The following DSTYK variants were observed in gnomAD, a reference collection of about 807,000 sequenced individuals.
The protein encoded by DSTYK is dual serine/threonine and tyrosine protein kinase.
A neutral mutation model predicts 98.7 loss-of-function variants in DSTYK; 34 were observed. The observed-to-expected ratio is 0.34, with a 90% CI of 0.26 to 0.46. DSTYK has a LOEUF of 0.46. Ranked by LOEUF, DSTYK falls within the 20% of genes least tolerant of loss-of-function variation. The pLI is 1.00. For synonymous variants in DSTYK, 462 were observed against 457.3 expected (o/e 1.01, Z -0.13); for missense variants, 962 against 1,181.7 (o/e 0.81, Z 2.73).
intron 1 of DSTYK, among the ~76,000 whole-genome samples, chr1:205,203,353 G>T (rs185588152): frequency 6.7e-6 from 1 of 149,280 alleles, no homozygotes; most frequent in African/African-American, 2.5e-5. Flanking sequence ...TGGTTCGCGC[G>T]TGCCTGCAGT....
intron 3 of DSTYK, among the ~76,000 whole-genome samples, chr1:205,164,790 G>A (rs1657840385): frequency 6.6e-6 from 1 of 152,106 alleles, no homozygotes. Context: ...CACATTTATA[G>A]GAGGGGAGGA....
Position 205,211,640 on chromosome 1 carries a change from G to A in DSTYK, c.-105C>T, listed in dbSNP as rs1659391704. The A allele has an allele frequency of 7.4e-7, 1 of 1,353,528 alleles. No individual in the cohort carries two copies. Among genetic ancestry groups the A allele is most frequent in the Non-Finnish European group, 9.6e-7 (1 of 1,045,058 alleles). 83.8% of individuals were successfully genotyped at this position (1,353,528 alleles called of 1,614,324 possible). ...AGGGAGGAGGAATCCGCCTCCTGAC[G>A]CCCCCGCCTGCAGTCAGCCTGGCTC... is the stretch of plus-strand genomic sequence containing the variant. On this transcript the variant is annotated 5_prime_UTR_variant, in exon 1 of 13. Coordinates refer to ENST00000367162, the MANE Select transcript of DSTYK (RefSeq NM_015375.3).
At chr1:205,193,058 G>A (rs1658758441) in intron 1 of DSTYK, among the ~76,000 whole-genome samples, 1 of 152,120 alleles carries the variant, frequency 6.6e-6, no homozygotes, top group African/African-American at 2.4e-5. Context: ...CAAACCATGA[G>A]GAATAAAGCA....
In DSTYK at chr1:205,187,611, C is replaced by G. The variant is rs141159612; in HGVS notation, c.461G>C (p.Arg154Pro). The change falls in exon 2 of 13, where the codon CGC becomes CCC. Residue 154 changes from arginine to proline, a missense_variant. Physicochemically the swap from Arg to Pro is moderately radical, Grantham distance 103. Coordinates refer to ENST00000367162, the MANE Select transcript of DSTYK (RefSeq NM_015375.3). ...SEESCKLRRLRFTYGTQTRVS... is the reference protein window; with the variant it reads ...SEESCKLRRLPFTYGTQTRVS... ...CCGAGTCTGAGTCCCATAGGTGAAG[C>G]GGAGGCGCCGAAGCTTACAGCTCTC... 6.2e-7 allele frequency: 1 copy of G among 1,614,116 alleles called. No homozygotes were observed. Among genetic ancestry groups the G allele is most frequent in the Non-Finnish European group, 8.5e-7 (1 of 1,180,030 alleles).
At chr1:205,177,591 G>T (rs1245555107) in intron 2 of DSTYK, among the ~76,000 whole-genome samples, 1 of 152,142 alleles carries the variant, frequency 6.6e-6, no homozygotes, top group East Asian at 1.9e-4. Flanking sequence ...ACTTGGCTGG[G>T]TGTGGTGGCT....
rs934736260 is a variant in DSTYK, at chr1:205,148,780, T to C, written c.2468-441A>G. Among the ~76,000 whole-genome samples the C allele has an allele frequency of 3.3e-5, 5 of 151,844 alleles. No homozygotes were observed. In the East Asian group the frequency reaches 9.6e-4, roughly 29 times the overall value. On this transcript the variant is annotated intron_variant, in intron 11 of 12. Coordinates refer to ENST00000367162, the MANE Select transcript of DSTYK (RefSeq NM_015375.3). ...TTATGTTTTAGAGTAGGAGGTGACA[T>C]GAAGAATATAATATTTTAGAAAGAT...
intron 4 of DSTYK, among the ~76,000 whole-genome samples, chr1:205,163,219 AT>A (rs373494891): frequency 5.0e-5 from 7 of 140,656 alleles, no homozygotes; most frequent in African/African-American, 1.0e-4. Flanking sequence ...TTATTTTTTT[AT>A]TTTTTTTTTT....
intron 9 of DSTYK, among the ~76,000 whole-genome samples, chr1:205,158,484 G>C (rs1657623394): frequency 2.0e-5 from 3 of 151,928 alleles, no homozygotes; most frequent in Admixed American, 2.0e-4. Context: ...TCCAACTGAG[G>C]GTTTCACCTT....
chr1:205,148,960 T>C (rs956091594), intron 11 of DSTYK, among the ~76,000 whole-genome samples: 5 of 150,902 alleles, frequency 3.3e-5, no homozygotes, highest in Non-Finnish European at 4.4e-5. Context: ...TGGAGTGCAG[T>C]GGCATGATCT....
intron 2 of DSTYK, among the ~76,000 whole-genome samples, chr1:205,177,404 C>A (rs1474840032): frequency 6.6e-6 from 1 of 152,172 alleles, no homozygotes; most frequent in Non-Finnish European, 1.5e-5. Flanking sequence ...TACTTTACTT[C>A]CAATTCTCCT....
At chr1:205,161,198 A>C in intron 7 of DSTYK, 60 bp downstream of exon 7, 4 of 1,595,530 alleles carry the variant, frequency 2.5e-6, no homozygotes, top group Non-Finnish European at 2.6e-6. Context: ...GAGGCTGGAC[A>C]TAAGAATGTC....
chr1:205,174,609 G>A (rs1658171626), intron 2 of DSTYK, among the ~76,000 whole-genome samples: 1 of 151,660 alleles, frequency 6.6e-6, no homozygotes, highest in South Asian at 2.1e-4. Flanking sequence ...CTTGAACCTG[G>A]GAGGTGGAGG....
chr1:205,152,540 G>GC (rs1657436054), intron 10 of DSTYK, among the ~76,000 whole-genome samples: 1 of 152,196 alleles, frequency 6.6e-6, no homozygotes, highest in Non-Finnish European at 1.5e-5. Flanking sequence ...CTGTCATTGC[G>GC]CAGTGCATGA....
At position 205,161,343 on chromosome 1, in the gene DSTYK, T is replaced by C. The variant is rs746046727; in HGVS notation, c.1863A>G (p.Leu621=). Residue 621 remains leucine, a synonymous_variant, in exon 7 of 13, where the codon CTA becomes CTG. Coordinates refer to ENST00000367162, the MANE Select transcript of DSTYK (RefSeq NM_015375.3). ...CATGATCTTTCCGAACCCTCAGCCA[T>C]AGATCTTCCGTTTTCTCTAACCGGC... ...HSGRLEKTED[L]WLRVRKDHAP... The C allele has an allele frequency of 5.0e-6, 8 of 1,614,018 alleles. No homozygotes were observed. The highest frequency in any genetic ancestry group is 1.1e-5 in the South Asian group (1 of 91,090).
intron 3 of DSTYK, among the ~76,000 whole-genome samples, chr1:205,167,979 G>A (rs1031098992): frequency 5.9e-5 from 9 of 152,250 alleles, no homozygotes; most frequent in African/African-American, 1.9e-4. Context: ...GGTGGCACAC[G>A]CCTGTAATCC....
rs10900464 is a variant in DSTYK at position 205,187,972 on chromosome 1, T to C, written c.266-166A>G. 0.46 allele frequency among the ~76,000 whole-genome samples: 69,405 copies of C among 151,754 alleles called. 19,294 individuals are homozygous for C. Among genetic ancestry groups the C allele is most frequent in the Non-Finnish European group, 0.62 (41,748 of 67,870 alleles). Reference sequence around the variant, plus strand: ...GGACATATCAGGGAAAAAACCCCAGTGAGAAAAAGCTCTTCACATATCAAA... The same window carrying C: ...GGACATATCAGGGAAAAAACCCCAGCGAGAAAAAGCTCTTCACATATCAAA... On this transcript the variant is annotated intron_variant, in intron 1 of 12. Coordinates refer to ENST00000367162, the MANE Select transcript of DSTYK (RefSeq NM_015375.3).
intron 1 of DSTYK, among the ~76,000 whole-genome samples, chr1:205,197,835 A>G (rs770614142): frequency 6.6e-6 from 1 of 152,220 alleles, no homozygotes; most frequent in Non-Finnish European, 1.5e-5. Flanking sequence ...AGTATAGACC[A>G]ACATGATGCT....
chr1:205,167,492 T>C (rs887551804), intron 3 of DSTYK, among the ~76,000 whole-genome samples: 4 of 152,216 alleles, frequency 2.6e-5, no homozygotes, highest in Admixed American at 1.3e-4. Flanking sequence ...ATTTGGAAGT[T>C]CACAGACAAA....
At chr1:205,156,142 T>G (rs1657552735) in intron 10 of DSTYK, among the ~76,000 whole-genome samples, 2 of 152,168 alleles carry the variant, frequency 1.3e-5, no homozygotes, top group Admixed American at 1.3e-4. Flanking sequence ...GCTGCAGGGG[T>G]GGAGCCCCCA....
Sources: allele counts gnomAD v4.1 joint callset (sites outside exome capture counted in the v4.1 genomes callset), GRCh38; gene constraint gnomAD v4.1.1; transcripts MANE v1.5; gene names NCBI Gene and HGNC (gene_info 2026-07-23, HGNC 2026-07-21).